BRD1: variants seen among roughly 807,000 people sequenced by gnomAD.
BRD1 encodes bromodomain-containing protein 1.
A neutral mutation model predicts 107.7 loss-of-function variants in BRD1; 24 were observed. That is an observed-to-expected ratio of 0.22 (90% CI 0.16 to 0.31). The LOEUF is 0.31. BRD1 is among the 10% of genes least tolerant of loss of function. The probability of loss-of-function intolerance (pLI) is 1.00; values close to 1 mark genes in which losing one functional copy is unlikely to be tolerated. For missense variants in BRD1, 1,279 were observed against 1,638.6 expected (o/e 0.78, Z 3.79); for synonymous variants, 744 against 686.1 (o/e 1.08, Z -1.32).
chr22:49,817,358 T>C (rs771120482), intron 2 of BRD1: 24 of 188,090 alleles, frequency 1.3e-4, no homozygotes, highest in African/African-American at 2.4e-4. Context: ...TCATGTGAGA[T>C]AGTTCAAGTT....
intron 9 of BRD1, 139 bp from the exon 10 acceptor site, chr22:49,777,300 TGC>T (rs895475170): frequency 7.4e-7 from 1 of 1,350,454 alleles, no homozygotes; most frequent in African/African-American, 1.4e-5. Flanking sequence ...GGCCTGTGGG[TGC>T]GCAGGTCTGG....
intron 8 of BRD1, among the ~76,000 whole-genome samples, chr22:49,780,710 G>C (rs2059190672): frequency 6.6e-6 from 1 of 152,242 alleles, no homozygotes; most frequent in African/African-American, 2.4e-5. Flanking sequence ...ATGGTTCTGA[G>C]ATCTCTCAAT....
Position 49,827,733 on chromosome 22 carries a change from G to A in BRD1, c.-251C>T, listed in dbSNP as rs1190780310. On this transcript the variant is annotated 5_prime_UTR_variant, in exon 1 of 13. Transcript: ENST00000404760. ...GCGGGCTCGGGCTCGGGGCCCAGCT[G>A]GAGGCCCGGCTCGGGGGGCCCGGCC... Among the ~76,000 whole-genome samples the A allele has an allele frequency of 6.9e-6, 1 of 144,314 alleles. No homozygotes were observed. Among genetic ancestry groups the A allele is most frequent in the Non-Finnish European group, 1.5e-5 (1 of 65,006 alleles). The allele number at this position is 144,314 out of a possible 152,430, so 94.7% of individuals were successfully genotyped here. A position where few individuals can be genotyped will look rare whatever the true frequency, so the allele number is the denominator to read the frequency against.
At position 49,776,047 on chromosome 22, in the gene BRD1, C is replaced by T; in HGVS notation, c.3231+3G>A. The stretch of plus-strand genomic sequence containing the variant: ...CCGCAGGCGCCACGAGAGCCGTACT[C>T]ACCAGTGCCGGGTAGGAGGGGTAGC... On this transcript the variant is annotated splice_donor_region_variant and intron_variant, in intron 11 of 12. Coordinates refer to ENST00000404760, the MANE Select transcript of BRD1 (RefSeq NM_001304808.3). The T allele has an allele frequency of 1.3e-6, 2 of 1,566,500 alleles. No individual in the cohort carries two copies. The highest frequency in any genetic ancestry group is 1.7e-6 in the Non-Finnish European group (2 of 1,164,914).
intron 6 of BRD1, among the ~76,000 whole-genome samples, chr22:49,794,720 C>T (rs145855164): frequency 2.6e-5 from 4 of 152,282 alleles, no homozygotes; most frequent in African/African-American, 2.4e-5. Context: ...ACAGAGGTGA[C>T]GACTGGCAAA....
At chr22:49,797,170 G>A (rs1831614016) in intron 6 of BRD1, among the ~76,000 whole-genome samples, 1 of 152,232 alleles carries the variant, frequency 6.6e-6, no homozygotes, top group Non-Finnish European at 1.5e-5. Context: ...CTAGAGAAGG[G>A]TGCAGGTGAC....
intron 7 of BRD1, 47 bp downstream of exon 7, chr22:49,793,987 C>G (rs771933082): frequency 8.2e-6 from 13 of 1,577,610 alleles, no homozygotes; most frequent in African/African-American, 4.0e-5. Context: ...GTGCCTGAGC[C>G]TGAGCCGTGA....
chr22:49,787,299 ACCCCCCCC>A, intron 8 of BRD1, 83 bp downstream of exon 8: 1 of 544,640 alleles, frequency 1.8e-6, no homozygotes, highest in Non-Finnish European at 2.9e-6. Flanking sequence ...GAAGCTGGAC[ACCCCCCCC>A]CCCCCGTCAC....
chr22:49,796,830 A>G (rs113389610), intron 6 of BRD1, among the ~76,000 whole-genome samples: 5 of 142,062 alleles, frequency 3.5e-5, no homozygotes, highest in Admixed American at 7.0e-5. Flanking sequence ...AGCGGACCCC[A>G]CGATGGCGGG....
intron 2 of BRD1, among the ~76,000 whole-genome samples, chr22:49,821,705 T>C (rs1032537352): frequency 3.9e-5 from 6 of 152,146 alleles, no homozygotes; most frequent in African/African-American, 1.2e-4. Flanking sequence ...CACCGCCCGA[T>C]GCAGCTCAGC....
chr22:49,785,431 G>C (rs2059304435), intron 8 of BRD1, among the ~76,000 whole-genome samples: 1 of 152,268 alleles, frequency 6.6e-6, no homozygotes, highest in Non-Finnish European at 1.5e-5. Context: ...TCTGCATGCA[G>C]AGGGGACGCC....
chr22:49,811,423 T>C (rs2059846871), intron 2 of BRD1, among the ~76,000 whole-genome samples: 1 of 152,188 alleles, frequency 6.6e-6, no homozygotes, highest in African/African-American at 2.4e-5. Flanking sequence ...GAGTCCCCCC[T>C]TAACCAAGGG....
Position 49,803,448 on chromosome 22 carries a change from G to A in BRD1, c.1524+756C>T, listed in dbSNP as rs950049500. Among the ~76,000 whole-genome samples the A allele has an allele frequency of 6.6e-5, 10 of 152,368 alleles. No individual in the cohort carries two copies. Among genetic ancestry groups the A allele is most frequent in the Admixed American group, 2.0e-4 (3 of 15,310 alleles). ...GACCAGCGGCTCCTCACTAGGCAGC[G>A]TGGGCAGAGGGCGCTGGCCGCAGGT... On this transcript the variant is annotated intron_variant, in intron 3 of 12. Transcript: ENST00000404760. The surrounding 1 kb of genome is among the most constrained non-coding windows in gnomAD (Gnocchi z 4.4).
At chr22:49,818,192 G>A (rs761618800) in intron 2 of BRD1, 2 of 1,076,178 alleles carry the variant, frequency 1.9e-6, no homozygotes, top group South Asian at 2.4e-5. Flanking sequence ...TCGAATGAAG[G>A]TAGGAGGAGC....
At chr22:49,804,442 GCTA>G in intron 2 of BRD1, 82 bp from the exon 3 acceptor site, 2 of 1,447,224 alleles carry the variant, frequency 1.4e-6, no homozygotes, top group Non-Finnish European at 1.9e-6. Context: ...CAGTACTACT[GCTA>G]ACAAAACCAT....
intron 7 of BRD1, 98 bp from the exon 8 acceptor site, chr22:49,787,985 C>T (rs534648723): frequency 6.7e-6 from 8 of 1,188,386 alleles, no homozygotes; most frequent in Non-Finnish European, 9.2e-6. Context: ...AATACTAATT[C>T]AGTTAAGGAA....
Position 49,803,150 on chromosome 22 carries a change from C to T in BRD1, c.1524+1054G>A, listed in dbSNP as rs769359282. Among the ~76,000 whole-genome samples the T allele has an allele frequency of 3.3e-5, 5 of 152,244 alleles. No homozygotes were observed. The highest frequency in any genetic ancestry group is 7.3e-5 in the Non-Finnish European group (5 of 68,046). ...ACCAGAGCACCAGACTCTGTAGTTC[C>T]CTGGAGCACAAGGCAGCCACGGCAG... On this transcript the variant is annotated intron_variant, in intron 3 of 12. Coordinates refer to ENST00000404760, the MANE Select transcript of BRD1 (RefSeq NM_001304808.3). This position sits in a 1 kb window ranked among gnomAD's most constrained non-coding sequence, Gnocchi z 4.4.
At chr22:49,796,672 TAA>T (rs2059538300) in intron 6 of BRD1, among the ~76,000 whole-genome samples, 1 of 152,200 alleles carries the variant, frequency 6.6e-6, no homozygotes, top group Non-Finnish European at 1.5e-5. Flanking sequence ...CCCCAGTCTT[TAA>T]AAGAGTACAG....
intron 3 of BRD1, 41 bp downstream of exon 3, chr22:49,804,163 T>C: frequency 6.6e-7 from 1 of 1,504,678 alleles, no homozygotes; most frequent in Non-Finnish European, 8.9e-7. Flanking sequence ...AGGGTGGGGG[T>C]GAGAGACGCA....
Sources: allele counts gnomAD v4.1 joint callset (sites outside exome capture counted in the v4.1 genomes callset), GRCh38; gene constraint gnomAD v4.1.1; non-coding constraint Gnocchi (gnomAD v3.1); transcripts MANE v1.5; gene names NCBI Gene and HGNC (gene_info 2026-07-23, HGNC 2026-07-21).